Variants in GCSAM observed in about 807,000 individuals in gnomAD.
GCSAM encodes the protein germinal center-associated signaling and motility protein.
Under a neutral mutation model 17.6 loss-of-function variants are expected in GCSAM, and 8 were observed. The observed-to-expected ratio is 0.46, with a 90% CI of 0.27 to 0.82. GCSAM has a LOEUF of 0.82. GCSAM is among the 40% of genes least tolerant of loss of function. GCSAM has a pLI of 0.15. For missense variants in GCSAM, 192 were observed against 213.5 expected, an observed-to-expected ratio of 0.90 and a Z score of 0.63; for synonymous variants, 68 against 69.0, an observed-to-expected ratio of 0.98 and a Z score of 0.07.
intron 1 of GCSAM, chr3:112,130,729 A>G: frequency 1.7e-6 from 1 of 573,304 alleles, no homozygotes; most frequent in Non-Finnish European, 3.1e-6. Flanking sequence ...CAGCCCACTG[A>G]TGTTCTCCAA....
intron 4 of GCSAM, 74 bp downstream of exon 4, chr3:112,126,913 G>A: frequency 9.7e-7 from 1 of 1,027,812 alleles, no homozygotes; most frequent in Non-Finnish European, 1.5e-6. Flanking sequence ...AGGGGCTTTG[G>A]GAACATAGAG....
In GCSAM at chr3:112,128,193, T is replaced by C. The variant is rs775223248; in HGVS notation, c.99-132A>G. On this transcript the variant is annotated intron_variant, in intron 2 of 5. Coordinates refer to ENST00000308910, the MANE Select transcript of GCSAM (RefSeq NM_152785.5). Reference sequence around the variant, plus strand: ...CAAGCGTGTTTCATTCTAGATAACTTGGACACATCTCTCATGGTAGAATGC... The same window carrying C: ...CAAGCGTGTTTCATTCTAGATAACTCGGACACATCTCTCATGGTAGAATGC... 8.0e-5 allele frequency: 60 copies of C among 749,480 alleles called. 1 individual carries two copies. The South Asian group carries it at 8.8e-4, about 11-fold the overall frequency. 46.4% of individuals were successfully genotyped at this position (749,480 alleles called of 1,614,324 possible).
Position 112,123,608 on chromosome 3 carries a change from A to G in GCSAM, c.384T>C (p.Tyr128=). ...CTGTAGAAGGCATATGTAGAAGTGA[A>G]TACTCAGTCTCAGTTCCTCCCAAGG... ...RESLGGTETE[Y]SLLHMPSTDP... The change falls in exon 6 of 6, where the codon TAT becomes TAC. Residue 128 remains tyrosine, a synonymous_variant. Transcript: ENST00000308910. The G allele has an allele frequency of 6.2e-7, 1 of 1,614,114 alleles. No individual in the cohort carries two copies. Among genetic ancestry groups the G allele is most frequent in the South Asian group, 1.1e-5 (1 of 91,070 alleles).
At chr3:112,130,175 A>C in intron 2 of GCSAM, 1 of 430,452 alleles carries the variant, frequency 2.3e-6, no homozygotes, top group Non-Finnish European at 4.2e-6. Flanking sequence ...AGGAAATAAG[A>C]CCTTTTATTT....
chr3:112,121,048 C>T lies in GCSAM; in HGVS notation c.*2407G>A, dbSNP rs1451671198. ...AAAGTAATTCCCTTTCATAATCCCT[C>T]TTATAATTCCCTCTTATAAATCCCT... On this transcript the variant is annotated 3_prime_UTR_variant, in exon 6 of 6. Transcript: ENST00000308910. 6.6e-6 allele frequency: 1 copy of T among 152,152 alleles called. No homozygotes were observed. Among genetic ancestry groups the T allele is most frequent in the African/African-American group, 2.4e-5 (1 of 41,426 alleles). The allele number at this position is 152,152 out of a possible 1,614,324, so 9.4% of individuals were successfully genotyped here. A position where few individuals can be genotyped will look rare whatever the true frequency, so the allele number is the denominator to read the frequency against.
intron 5 of GCSAM, among the ~76,000 whole-genome samples, chr3:112,124,375 G>A (rs1467153297): frequency 6.6e-6 from 1 of 152,114 alleles, no homozygotes; most frequent in Non-Finnish European, 1.5e-5. Flanking sequence ...TTGGGAGGCC[G>A]AAGTGGGTGG....
Position 112,125,086 on chromosome 3 carries a change from C to T in GCSAM, c.219+140G>A, listed in dbSNP as rs116613568. The T allele has an allele frequency of 4.4e-6, 3 of 677,362 alleles. 1 individual carries two copies. Among genetic ancestry groups the T allele is most frequent in the South Asian group, 3.5e-5 (2 of 57,230 alleles). The allele number at this position is 677,362 out of a possible 1,614,324, so 42.0% of individuals were successfully genotyped here. ...GCCACCCGGCCCTGCACCTGCCACCCGAGTTCACAAGCACTGACATCTAAA... is the reference window on the plus strand; with the variant it reads ...GCCACCCGGCCCTGCACCTGCCACCTGAGTTCACAAGCACTGACATCTAAA... On this transcript the variant is annotated intron_variant, in intron 5 of 5. Coordinates refer to ENST00000308910, the MANE Select transcript of GCSAM (RefSeq NM_152785.5).
chr3:112,123,397 A>G lies in GCSAM; in HGVS notation c.*58T>C. On this transcript the variant is annotated 3_prime_UTR_variant, in exon 6 of 6. Transcript: ENST00000308910. ...TGTGTCCCATCCCTGCTTCAGGCAGATCCCCCATCCCACCTTTTATTTGTT... is the reference window on the plus strand; with the variant it reads ...TGTGTCCCATCCCTGCTTCAGGCAGGTCCCCCATCCCACCTTTTATTTGTT... 6.4e-7 allele frequency: 1 copy of G among 1,573,018 alleles called. No homozygotes were observed. The highest frequency in any genetic ancestry group is 1.2e-5 in the South Asian group (1 of 82,120).
rs761181104 is a variant in GCSAM at position 112,120,924 on chromosome 3, CTCT to C, written c.*2528_*2530del. The C allele has an allele frequency of 1.3e-5, 2 of 152,098 alleles. No individual in the cohort carries two copies. The highest frequency in any genetic ancestry group is 4.1e-4 in the South Asian group (2 of 4,834). 9.4% of individuals were successfully genotyped at this position (152,098 alleles called of 1,614,324 possible). A position where few individuals can be genotyped will look rare whatever the true frequency, so the allele number is the denominator to read the frequency against. On this transcript the variant is annotated 3_prime_UTR_variant, in exon 6 of 6. Transcript: ENST00000308910. ...TTACACTCATATCAGAATTTTTTAA[CTCT>C]TTTTTTGTTCTTAATATTATTTTTG... is the stretch of plus-strand genomic sequence containing the variant.
chr3:112,123,733 T>A lies in GCSAM; in HGVS notation c.259A>T (p.Thr87Ser). The change falls in exon 6 of 6, where the codon ACC becomes TCC. Residue 87 changes from threonine (T) to serine (S), a missense_variant. Transcript: ENST00000308910. ...CAGAGAACCCGATGATTGATGAGGG[T>A]ATAGCACAGCTCCTCTGAGTAGGTC... is the stretch of plus-strand genomic sequence containing the variant. Reference protein sequence around the residue: ...DQTYSEELCYTLINHRVLCTR... With the variant: ...DQTYSEELCYSLINHRVLCTR... 6.2e-7 allele frequency: 1 copy of A among 1,614,026 alleles called. No individual in the cohort carries two copies. The highest frequency in any genetic ancestry group is 8.5e-7 in the Non-Finnish European group (1 of 1,179,940).
Position 112,122,163 on chromosome 3 carries a change from A to G in GCSAM, c.*1292T>C, listed in dbSNP as rs1559979863. ...TGGTGCTTGCTCTTATGCATCAGTAACCAAACACATTTCTGTTAAGTTTCT... is the reference window on the plus strand; with the variant it reads ...TGGTGCTTGCTCTTATGCATCAGTAGCCAAACACATTTCTGTTAAGTTTCT... On this transcript the variant is annotated 3_prime_UTR_variant, in exon 6 of 6. Transcript: ENST00000308910. The G allele has an allele frequency of 6.6e-6, 1 of 152,194 alleles. No individual in the cohort carries two copies. The highest frequency in any genetic ancestry group is 1.5e-5 in the Non-Finnish European group (1 of 68,040). 9.4% of individuals were successfully genotyped at this position (152,194 alleles called of 1,614,324 possible).
At chr3:112,131,938 A>G (rs2074463365) in intron 1 of GCSAM, among the ~76,000 whole-genome samples, 1 of 152,304 alleles carries the variant, frequency 6.6e-6, no homozygotes, top group African/African-American at 2.4e-5. Context: ...TTTTTCTTAC[A>G]TAAAACAAAA....
In GCSAM at chr3:112,128,059, C is replaced by T; in HGVS notation, c.101G>A (p.Cys34Tyr). 6.2e-7 allele frequency: 1 copy of T among 1,613,598 alleles called. No individual in the cohort carries two copies. Among genetic ancestry groups the T allele is most frequent in the Non-Finnish European group, 8.5e-7 (1 of 1,179,574 alleles). The change falls in exon 3 of 6, where the codon TGC (cysteine) becomes TAC (tyrosine). Residue 34 changes from cysteine (C) to tyrosine (Y), a missense_variant and splice_region_variant. Transcript: ENST00000308910. ...MQSPKQRTSR[C>Y]WDHHIAEGCF... ...CCCTTCAGCGATATGGTGATCCCAG[C>T]ATCTAAAATACCCAAGAGAGATGGC...
At chr3:112,132,499 G>A (rs529092786) in intron 1 of GCSAM, 20 of 232,454 alleles carry the variant, frequency 8.6e-5, no homozygotes, top group African/African-American at 4.4e-4. Context: ...TTTATGTCAG[G>A]CACTATGCTA....
intron 5 of GCSAM, 21 bp downstream of exon 5, chr3:112,125,205 G>A: frequency 6.6e-7 from 1 of 1,507,604 alleles, no homozygotes; most frequent in Non-Finnish European, 9.2e-7. Context: ...TCAAAAAATA[G>A]CTTAGAGATG....
chr3:112,126,267 A>G (rs571225292), intron 4 of GCSAM, among the ~76,000 whole-genome samples: 2 of 152,278 alleles, frequency 1.3e-5, no homozygotes, highest in South Asian at 4.1e-4. Context: ...TTAAGATTCT[A>G]TGTAAATGAA....
chr3:112,127,937 C>G (rs1008123071), intron 3 of GCSAM, 80 bp downstream of exon 3: 10 of 1,185,694 alleles, frequency 8.4e-6, no homozygotes, highest in Non-Finnish European at 1.3e-5. Context: ...TGGCCACAGA[C>G]AGTCACAGGT....
At chr3:112,133,029 C>G (rs2074495797) in intron 1 of GCSAM, 63 bp downstream of exon 1, 1 of 1,540,296 alleles carries the variant, frequency 6.5e-7, no homozygotes, top group Non-Finnish European at 8.9e-7. Flanking sequence ...CTTTCTTTTT[C>G]TCTTCCTTGC....
chr3:112,125,397 T>TC (rs2074293794), intron 4 of GCSAM, 143 bp from the exon 5 acceptor site: 3 of 647,438 alleles, frequency 4.6e-6, no homozygotes, highest in Non-Finnish European at 8.3e-6. Flanking sequence ...CTACAGCACA[T>TC]CCCTGGGGAG....
Sources: gnomAD v4.1 joint callset for allele counts (sites outside exome capture counted in the v4.1 genomes callset) on GRCh38, gnomAD v4.1.1 for gene constraint, MANE v1.5 for transcripts, NCBI Gene and HGNC (gene_info 2026-07-23, HGNC 2026-07-21) for gene names.